IMPA1: variants seen among roughly 807,000 people sequenced by gnomAD.
The protein encoded by IMPA1 is D-galactose 1-phosphate phosphatase.
In IMPA1, 21 loss-of-function variants were observed where a neutral mutation model predicts 34.9. That is an observed-to-expected ratio of 0.60 (90% CI 0.43 to 0.87). The LOEUF is 0.87. IMPA1 is among the 40% of genes least tolerant of loss of function. The pLI, the probability that IMPA1 is intolerant of heterozygous loss-of-function variation, is 0.00. For missense variants in IMPA1, 299 were observed against 336.4 expected (o/e 0.89, Z 0.87); for synonymous variants, 95 against 104.4 (o/e 0.91, Z 0.55).
intron 7 of IMPA1, among the ~76,000 whole-genome samples, chr8:81,663,900 G>C (rs954502371): frequency 2.0e-5 from 3 of 152,036 alleles, no homozygotes; most frequent in Non-Finnish European, 4.4e-5. Context: ...TTAGCCAGGC[G>C]TGGTGGCGGG....
intron 3 of IMPA1, among the ~76,000 whole-genome samples, chr8:81,679,770 T>A (rs952656134): frequency 6.6e-6 from 1 of 152,130 alleles, no homozygotes; most frequent in African/African-American, 2.4e-5. Context: ...AATTATAAGA[T>A]GTTATACTAG....
At chr8:81,661,545 G>T (rs1585887603) in intron 7 of IMPA1, among the ~76,000 whole-genome samples, 1 of 152,180 alleles carries the variant, frequency 6.6e-6, no homozygotes, top group East Asian at 1.9e-4. Context: ...TCAAGAGACA[G>T]ACTACAAAAT....
chr8:81,673,087 T>C (rs376728776), intron 6 of IMPA1, among the ~76,000 whole-genome samples: 1 of 152,322 alleles, frequency 6.6e-6, no homozygotes, highest in East Asian at 1.9e-4. Flanking sequence ...CCTTACAATT[T>C]GCCCACAAGG....
intron 7 of IMPA1, among the ~76,000 whole-genome samples, chr8:81,663,001 T>C (rs1806722673): frequency 6.6e-6 from 1 of 152,238 alleles, no homozygotes; most frequent in Admixed American, 6.5e-5. Context: ...TTCATTGTTT[T>C]GTATAAGTGA....
At chr8:81,662,823 T>C (rs1300257640) in intron 7 of IMPA1, among the ~76,000 whole-genome samples, 1 of 152,176 alleles carries the variant, frequency 6.6e-6, no homozygotes, top group Non-Finnish European at 1.5e-5. Flanking sequence ...TGTCAGAAAA[T>C]ATCATATACC....
Position 81,673,849 on chromosome 8 carries a change from T to G in IMPA1, c.449A>C (p.Gln150Pro), listed in dbSNP as rs777881800. 12 of 1,587,098 alleles carry G rather than the reference T, an allele frequency of 7.6e-6. No homozygotes were observed. The African/African-American group carries it at 1.6e-4, about 21-fold the overall frequency. ...FCNGQKLQVS[Q>P]QEDITKSLLV... The stretch of plus-strand genomic sequence containing the variant: ...ATTGGAATTAATCCTACCTTCTTGT[T>G]GTGAAACTTGTAGTTTTTGACCATT... Residue 150 changes from glutamine to proline, a missense_variant, in exon 6 of 9, where the codon CAA becomes CCA. Transcript: ENST00000256108.
At chr8:81,672,216 C>A (rs1386403630) in intron 6 of IMPA1, among the ~76,000 whole-genome samples, 1 of 152,326 alleles carries the variant, frequency 6.6e-6, no homozygotes, top group Non-Finnish European at 1.5e-5. Flanking sequence ...AAAAGAATTT[C>A]AATGTGCAAA....
intron 3 of IMPA1, among the ~76,000 whole-genome samples, chr8:81,680,304 G>A (rs1407827396): frequency 3.3e-5 from 5 of 152,262 alleles, no homozygotes; most frequent in Middle Eastern, 3.4e-3. Context: ...CCTCTAATTT[G>A]CATCTGGTTC....
rs117380256 is a variant in IMPA1, at chr8:81,671,090, A to G, written c.458-43T>C. On this transcript the variant is annotated intron_variant, in intron 6 of 8. Transcript: ENST00000256108. ...GGTTTCAATATTTAGACTTCTAGAA[A>G]ATACCTGACACTTGTAATTCAGAAG... The G allele has an allele frequency of 1.3e-3, 1,132 of 882,098 alleles. 19 individuals carry two copies. The East Asian group carries it at 0.032, about 25-fold the overall frequency. 54.6% of individuals were successfully genotyped at this position (882,098 alleles called of 1,614,324 possible).
chr8:81,686,185 G>A (rs1249194629), intron 1 of IMPA1, 67 bp downstream of exon 1: 1 of 959,800 alleles, frequency 1.0e-6, no homozygotes, highest in African/African-American at 1.7e-5. Context: ...GGAGGGAAGG[G>A]GCCTCCCTGG....
chr8:81,661,743 T>C (rs938958310), intron 7 of IMPA1, among the ~76,000 whole-genome samples: 1 of 152,264 alleles, frequency 6.6e-6, no homozygotes, highest in South Asian at 2.1e-4. Flanking sequence ...TTAATTCCCT[T>C]ACTTTTATCA....
intron 1 of IMPA1, among the ~76,000 whole-genome samples, chr8:81,683,022 T>C (rs1365848796): frequency 6.6e-6 from 1 of 152,182 alleles, no homozygotes; most frequent in Non-Finnish European, 1.5e-5. Context: ...ATGAGAAGCA[T>C]CTAACAGGGG....
chr8:81,675,027 C>G (rs1463242029), intron 5 of IMPA1, among the ~76,000 whole-genome samples: 1 of 152,180 alleles, frequency 6.6e-6, no homozygotes, highest in Non-Finnish European at 1.5e-5. Context: ...CTGTCACTTT[C>G]CACTTCAAAA....
chr8:81,676,818 G>A (rs575945640), intron 4 of IMPA1, among the ~76,000 whole-genome samples: 2 of 152,076 alleles, frequency 1.3e-5, no homozygotes, highest in African/African-American at 4.8e-5. Flanking sequence ...GCAAGATCCT[G>A]TTTCTACAAA....
At chr8:81,670,405 AAAT>A (rs1176061491) in intron 7 of IMPA1, among the ~76,000 whole-genome samples, 1 of 152,166 alleles carries the variant, frequency 6.6e-6, no homozygotes, top group Non-Finnish European at 1.5e-5. Context: ...ACGAAGATGA[AAAT>A]AATAGTGCAG....
At chr8:81,681,447 C>G (rs368308659) in intron 2 of IMPA1, 51 bp downstream of exon 2, 1 of 1,002,962 alleles carries the variant, frequency 1.0e-6, no homozygotes, top group African/African-American at 1.6e-5. Flanking sequence ...ACACAGTATA[C>G]CCACCAATCA....
intron 5 of IMPA1, 136 bp downstream of exon 5, chr8:81,676,098 G>A (rs1255647525): frequency 1.2e-5 from 5 of 412,720 alleles, no homozygotes; most frequent in African/African-American, 2.1e-5. Flanking sequence ...TAACAGTCCT[G>A]TAGCTTATAT....
At chr8:81,664,178 A>C (rs537453548) in intron 7 of IMPA1, among the ~76,000 whole-genome samples, 1 of 152,322 alleles carries the variant, frequency 6.6e-6, no homozygotes, top group East Asian at 1.9e-4. Context: ...TCATTTATTA[A>C]ACTGTCATTA....
At chr8:81,685,127 T>G (rs1276757852) in intron 1 of IMPA1, among the ~76,000 whole-genome samples, 2 of 136,246 alleles carry the variant, frequency 1.5e-5, no homozygotes, top group Non-Finnish European at 3.0e-5. Context: ...ATTAAGTATA[T>G]TTAGATACTA....
Sources: gnomAD v4.1 joint callset for allele counts (sites outside exome capture counted in the v4.1 genomes callset) on GRCh38, gnomAD v4.1.1 for gene constraint, MANE v1.5 for transcripts, NCBI Gene and HGNC (gene_info 2026-07-23, HGNC 2026-07-21) for gene names.